The following GAREM1 variants were observed in gnomAD, a reference collection of about 807,000 sequenced individuals.
GAREM1 encodes the protein GRB2-associated and regulator of MAPK protein 1.
Under a neutral mutation model 71.3 loss-of-function variants are expected in GAREM1, and 26 were observed. The observed-to-expected ratio is 0.36, with a 90% CI of 0.27 to 0.51. GAREM1 has a LOEUF of 0.51. Among genes scored for constraint, GAREM1 ranks in the 20% least tolerant of loss-of-function variants. The pLI, the probability that GAREM1 is intolerant of heterozygous loss-of-function variation, is 0.95. For missense variants in GAREM1, 1,026 were observed against 1,103.1 expected (o/e 0.93, Z 0.99); for synonymous variants, 440 against 433.2 (o/e 1.02, Z -0.20).
At chr18:32,462,986 G>A (rs946030353) in intron 1 of GAREM1, among the ~76,000 whole-genome samples, 3 of 152,024 alleles carry the variant, frequency 2.0e-5, no homozygotes, top group African/African-American at 7.2e-5. Flanking sequence ...TAAATAAAAG[G>A]AAGAATAAGT....
intron 2 of GAREM1, among the ~76,000 whole-genome samples, chr18:32,355,571 T>C (rs1185494886): frequency 6.6e-6 from 1 of 152,174 alleles, no homozygotes; most frequent in African/African-American, 2.4e-5. Context: ...TCAGACATAC[T>C]AGAAGTTTAT....
chr18:32,447,576 A>T (rs1257067582), intron 1 of GAREM1, among the ~76,000 whole-genome samples: 1 of 152,154 alleles, frequency 6.6e-6, no homozygotes, highest in Non-Finnish European at 1.5e-5. Context: ...TGAAGTCTAG[A>T]AAACTATTTA....
At chr18:32,438,260 G>A (rs1281257674) in intron 1 of GAREM1, among the ~76,000 whole-genome samples, 2 of 152,192 alleles carry the variant, frequency 1.3e-5, no homozygotes, top group African/African-American at 2.4e-5. Flanking sequence ...GTTTGCTATG[G>A]TCTAAAGCTA....
At chr18:32,386,752 C>T (rs1040996527) in intron 2 of GAREM1, among the ~76,000 whole-genome samples, 5 of 152,102 alleles carry the variant, frequency 3.3e-5, no homozygotes, top group African/African-American at 1.2e-4. Flanking sequence ...TGTTCTGATC[C>T]ATTTGGTTTC....
At chr18:32,335,962 C>T (rs1029905125) in intron 2 of GAREM1, among the ~76,000 whole-genome samples, 1 of 152,132 alleles carries the variant, frequency 6.6e-6, no homozygotes, top group African/African-American at 2.4e-5. Context: ...CTGTAAGCAG[C>T]GAACGCTGAC....
intron 1 of GAREM1, among the ~76,000 whole-genome samples, chr18:32,397,590 C>A (rs2048270222): frequency 6.6e-6 from 1 of 152,170 alleles, no homozygotes; most frequent in Non-Finnish European, 1.5e-5. Flanking sequence ...ATCAATTCAA[C>A]AAGAAGAGCT....
chr18:32,267,435 G>A lies in GAREM1; in HGVS notation c.*436C>T, dbSNP rs2041388261. 6.6e-6 allele frequency: 1 copy of A among 152,620 alleles called. No homozygotes were observed. The allele number at this position is 152,620 out of a possible 1,614,324, so 9.5% of individuals were successfully genotyped here. A position where few individuals can be genotyped will look rare whatever the true frequency, so the allele number is the denominator to read the frequency against. Reference sequence around the variant, plus strand: ...TTAGCAAGAAGCAATCTGAATGACAGAGCACAGAACACAGTTAATTGTCTA... The same window carrying A: ...TTAGCAAGAAGCAATCTGAATGACAAAGCACAGAACACAGTTAATTGTCTA... On this transcript the variant is annotated 3_prime_UTR_variant, in exon 6 of 6. Coordinates refer to ENST00000269209, the MANE Select transcript of GAREM1 (RefSeq NM_001242409.2).
At chr18:32,452,852 C>CT (rs773001578) in intron 1 of GAREM1, among the ~76,000 whole-genome samples, 2 of 116,088 alleles carry the variant, frequency 1.7e-5, no homozygotes, top group Admixed American at 8.7e-5. Context: ...ATAACTTCTA[C>CT]GTTTTTTTTT....
At chr18:32,325,718 C>T (rs1264386320) in intron 2 of GAREM1, among the ~76,000 whole-genome samples, 1 of 152,182 alleles carries the variant, frequency 6.6e-6, no homozygotes, top group Admixed American at 6.5e-5. Context: ...AATCTTTGCA[C>T]AACAGGTAGT....
chr18:32,324,658 G>C (rs183372808), intron 2 of GAREM1, among the ~76,000 whole-genome samples: 40 of 152,298 alleles, frequency 2.6e-4, no homozygotes, highest in African/African-American at 9.1e-4. Flanking sequence ...ACTTGGATAT[G>C]GGAAAGTTAG....
chr18:32,309,487 G>A (rs1018133071), intron 3 of GAREM1, among the ~76,000 whole-genome samples: 20 of 151,186 alleles, frequency 1.3e-4, no homozygotes, highest in Admixed American at 1.3e-3. Context: ...GTGGCGGTGT[G>A]TGCCTATAGC....
intron 5 of GAREM1, among the ~76,000 whole-genome samples, chr18:32,269,455 G>A (rs904995770): frequency 2.0e-5 from 3 of 152,214 alleles, no homozygotes; most frequent in Non-Finnish European, 2.9e-5. Flanking sequence ...GGGTGAGCAG[G>A]CCGGTGAGGG....
chr18:32,406,821 A>G (rs545906029), intron 1 of GAREM1, among the ~76,000 whole-genome samples: 4 of 152,162 alleles, frequency 2.6e-5, no homozygotes, highest in Non-Finnish European at 5.9e-5. Flanking sequence ...TTTTAGCCCA[A>G]TGGTTGAGGT....
At chr18:32,327,026 A>C (rs575722265) in intron 2 of GAREM1, among the ~76,000 whole-genome samples, 1 of 152,180 alleles carries the variant, frequency 6.6e-6, no homozygotes. Context: ...ATTAAAAAAC[A>C]CTCTTCTTTC....
chr18:32,332,086 G>C (rs186955916), intron 2 of GAREM1, among the ~76,000 whole-genome samples: 1 of 151,194 alleles, frequency 6.6e-6, no homozygotes, highest in African/African-American at 2.4e-5. Context: ...TTGTGGTTGG[G>C]GACTTGCGTC....
intron 2 of GAREM1, among the ~76,000 whole-genome samples, chr18:32,392,324 T>C (rs751820714): frequency 2.6e-5 from 4 of 152,098 alleles, no homozygotes; most frequent in Admixed American, 6.6e-5. Context: ...AAATCAGTTA[T>C]ATGGCACTAT....
rs1461285036 is a variant in GAREM1 at position 32,266,603 on chromosome 18, A to C, written c.*1268T>G. The stretch of plus-strand genomic sequence containing the variant: ...CAGACTAATGTAAAAGTATGGTAAT[A>C]ATGTATTTTCTTTGAAAGAGAGGGA... On this transcript the variant is annotated 3_prime_UTR_variant, in exon 6 of 6. Transcript: ENST00000269209. The C allele has an allele frequency of 6.6e-6, 1 of 152,218 alleles. No homozygotes were observed. The highest frequency in any genetic ancestry group is 2.4e-5 in the African/African-American group (1 of 41,444). The allele number at this position is 152,218 out of a possible 1,614,324, so 9.4% of individuals were successfully genotyped here.
Position 32,457,569 on chromosome 18 carries a change from G to A in GAREM1, c.121+12739C>T, listed in dbSNP as rs372440505. On this transcript the variant is annotated intron_variant, in intron 1 of 5. Transcript: ENST00000269209. ...AAGAAACAGAAGATGGGGGAGGGGT[G>A]AGTAAAATTCACAGTCTACCTGATC... Among the ~76,000 whole-genome samples, 11 of 152,044 alleles carry A rather than the reference G, an allele frequency of 7.2e-5. No homozygotes were observed. The South Asian group carries it at 1.2e-3, about 17-fold the overall frequency.
chr18:32,368,013 C>G (rs1463813194), intron 2 of GAREM1, among the ~76,000 whole-genome samples: 17 of 152,126 alleles, frequency 1.1e-4, no homozygotes, highest in Admixed American at 1.1e-3. Context: ...ATCTCCAGTA[C>G]ATTCCTATCC....
Sources: allele counts gnomAD v4.1 joint callset (sites outside exome capture counted in the v4.1 genomes callset), GRCh38; gene constraint gnomAD v4.1.1; transcripts MANE v1.5; gene names NCBI Gene and HGNC (gene_info 2026-07-23, HGNC 2026-07-21).